The following MAST2 variants were observed in gnomAD, a reference collection of about 807,000 sequenced individuals.
MAST2 encodes microtubule associated serine/threonine kinase 2, also known as microtubule-associated serine/threonine-protein kinase 2.
In MAST2, 70 loss-of-function variants were observed where a neutral mutation model predicts 147.4. That is an observed-to-expected ratio of 0.47 (90% confidence interval 0.39 to 0.58). The LOEUF (loss-of-function observed/expected upper bound fraction) is 0.58. MAST2 is among the 20% of genes least tolerant of loss of function. The pLI, the probability that MAST2 is intolerant of heterozygous loss-of-function variation, is 0.00. For missense variants in MAST2, 2,080 were observed against 2,302.3 expected, an observed-to-expected ratio of 0.90 and a Z score of 1.98; for synonymous variants, 869 against 896.8, an observed-to-expected ratio of 0.97 and a Z score of 0.55.
At chr1:45,943,606 G>A (rs1002093060) in intron 4 of MAST2, among the ~76,000 whole-genome samples, 1 of 152,132 alleles carries the variant, frequency 6.6e-6, no homozygotes, top group South Asian at 2.1e-4. Flanking sequence ...TTAGCTGGGC[G>A]TGGTGACGCG....
chr1:45,816,879 G>T (rs181061878), intron 1 of MAST2, among the ~76,000 whole-genome samples: 1 of 151,908 alleles, frequency 6.6e-6, no homozygotes, highest in East Asian at 1.9e-4. Flanking sequence ...GGGTTTCACC[G>T]TGTCAACCAG....
At chr1:45,978,907 T>G (rs556241809) in intron 5 of MAST2, among the ~76,000 whole-genome samples, 3 of 152,324 alleles carry the variant, frequency 2.0e-5, no homozygotes, top group African/African-American at 7.2e-5. Context: ...GATTCATTTT[T>G]GGGCGATAAA....
At chr1:45,979,738 G>T (rs1364455015) in intron 5 of MAST2, among the ~76,000 whole-genome samples, 2 of 152,172 alleles carry the variant, frequency 1.3e-5, no homozygotes, top group Non-Finnish European at 1.5e-5. Flanking sequence ...AGGAGGCTGA[G>T]GTGGGAGGAT....
intron 3 of MAST2, among the ~76,000 whole-genome samples, chr1:45,837,065 C>T (rs1196979210): frequency 6.6e-6 from 1 of 152,166 alleles, no homozygotes; most frequent in Non-Finnish European, 1.5e-5. Flanking sequence ...TGACAGGAGA[C>T]GGAGTTCAGG....
intron 3 of MAST2, among the ~76,000 whole-genome samples, 160 bp from the exon 4 acceptor site, chr1:45,882,204 A>AT (rs879077522): frequency 7.6e-4 from 75 of 98,110 alleles, no homozygotes; most frequent in Admixed American, 1.1e-3. Context: ...AAAAAAAAAA[A>AT]AATAAATAAA....
At chr1:45,970,032 A>G (rs1048908766) in intron 5 of MAST2, among the ~76,000 whole-genome samples, 6 of 152,154 alleles carry the variant, frequency 3.9e-5, no homozygotes, top group South Asian at 2.1e-4. Flanking sequence ...TCTTCCCCCA[A>G]GTAGAGCTGG....
intron 5 of MAST2, among the ~76,000 whole-genome samples, chr1:45,969,314 T>C (rs143604511): frequency 5.6e-4 from 86 of 152,256 alleles, no homozygotes; most frequent in African/African-American, 1.9e-3. Flanking sequence ...TTTAGTAATG[T>C]ATTGGTAAGG....
intron 5 of MAST2, among the ~76,000 whole-genome samples, chr1:45,990,440 A>G (rs1319033658): frequency 6.6e-6 from 1 of 151,946 alleles, no homozygotes; most frequent in African/African-American, 2.4e-5. Context: ...TCTTTTATCA[A>G]GTATGTGGGT....
At chr1:46,029,597 T>C (rs1646554494) in intron 19 of MAST2, 30 bp downstream of exon 19, 1 of 1,599,202 alleles carries the variant, frequency 6.3e-7, no homozygotes, top group Non-Finnish European at 8.6e-7. Flanking sequence ...CTTTTCTCAC[T>C]ACTTGGAAAA....
chr1:45,985,830 A>G (rs1644591412), intron 5 of MAST2, among the ~76,000 whole-genome samples: 1 of 152,186 alleles, frequency 6.6e-6, no homozygotes, highest in Non-Finnish European at 1.5e-5. Flanking sequence ...CTTTTGTCAA[A>G]TTTATCACTA....
chr1:45,866,508 A>G (rs1018611700), intron 3 of MAST2, among the ~76,000 whole-genome samples: 7 of 152,212 alleles, frequency 4.6e-5, no homozygotes, highest in African/African-American at 1.4e-4. Flanking sequence ...GCTAGGATTC[A>G]GAAAGGGAAT....
At chr1:45,827,127 C>T (rs1644818853) in intron 2 of MAST2, among the ~76,000 whole-genome samples, 1 of 152,148 alleles carries the variant, frequency 6.6e-6, no homozygotes, top group South Asian at 2.1e-4. Flanking sequence ...CACGCTCTGC[C>T]CAGGTTACTT....
chr1:45,907,781 C>A (rs1382365041), intron 4 of MAST2, among the ~76,000 whole-genome samples: 1 of 152,116 alleles, frequency 6.6e-6, no homozygotes, highest in East Asian at 1.9e-4. Flanking sequence ...TATGCATTTG[C>A]CTCTTCTAAA....
At chr1:45,924,053 G>T (rs868331762) in intron 4 of MAST2, among the ~76,000 whole-genome samples, 1 of 152,004 alleles carries the variant, frequency 6.6e-6, no homozygotes, top group Admixed American at 6.6e-5. Context: ...TGTATTTTTA[G>T]TAGAGACTGG....
Position 46,023,566 on chromosome 1 carries a change from T to C in MAST2, c.1572-206T>C, listed in dbSNP as rs1056093652. ...CCATTCCCTGAGCTCTGGGGAAGCA[T>C]TGAGCCGTGTCATCAGGACATGGTC... On this transcript the variant is annotated intron_variant, in intron 14 of 28. Transcript: ENST00000361297. This position sits in a 1 kb window ranked among gnomAD's most constrained non-coding sequence, Gnocchi z 4.9. The C allele has an allele frequency of 2.2e-5, 14 of 623,654 alleles. No homozygotes were observed. The highest frequency in any genetic ancestry group is 5.8e-5 in the Admixed American group (2 of 34,492). The allele number at this position is 623,654 out of a possible 1,614,324, so 38.6% of individuals were successfully genotyped here. A position where few individuals can be genotyped will look rare whatever the true frequency, so the allele number is the denominator to read the frequency against.
At chr1:45,933,145 C>G (rs1237234716) in intron 4 of MAST2, among the ~76,000 whole-genome samples, 1 of 142,892 alleles carries the variant, frequency 7.0e-6, no homozygotes, top group Non-Finnish European at 1.5e-5. Context: ...ATCATTTAAG[C>G]CCAGGAGTTC....
Position 46,031,679 on chromosome 1 carries a change from G to A in MAST2, c.3187+94G>A. 8.1e-7 allele frequency: 1 copy of A among 1,239,316 alleles called. No homozygotes were observed. Among genetic ancestry groups the A allele is most frequent in the Non-Finnish European group, 1.1e-6 (1 of 891,824 alleles). The allele number at this position is 1,239,316 out of a possible 1,614,324, so 76.8% of individuals were successfully genotyped here. A position where few individuals can be genotyped will look rare whatever the true frequency, so the allele number is the denominator to read the frequency against. On this transcript the variant is annotated intron_variant, in intron 24 of 28. Coordinates refer to ENST00000361297, the MANE Select transcript of MAST2 (RefSeq NM_015112.3). The surrounding 1 kb of genome is among the most constrained non-coding windows in gnomAD (Gnocchi z 4.1). Reference sequence around the variant, plus strand: ...TTCTGCACGTGGCAGGTGTGTGTGTGTGTGTTAAGCACAGATCTGACTGTG... The same window carrying A: ...TTCTGCACGTGGCAGGTGTGTGTGTATGTGTTAAGCACAGATCTGACTGTG...
At chr1:45,831,031 A>AAG (rs1644941710) in intron 3 of MAST2, among the ~76,000 whole-genome samples, 1 of 55,010 alleles carries the variant, frequency 1.8e-5, no homozygotes, top group Non-Finnish European at 3.2e-5. Context: ...CCTTGTCTGG[A>AAG]AAAAAAAAAA....
At chr1:45,816,896 C>G (rs1644472311) in intron 1 of MAST2, among the ~76,000 whole-genome samples, 1 of 152,152 alleles carries the variant, frequency 6.6e-6, no homozygotes, top group African/African-American at 2.4e-5. Flanking sequence ...CCAGGATGGT[C>G]TCGATCTCCT....
Sources: allele counts gnomAD v4.1 joint callset (sites outside exome capture counted in the v4.1 genomes callset), GRCh38; gene constraint gnomAD v4.1.1; non-coding constraint Gnocchi (gnomAD v3.1); transcripts MANE v1.5; gene names NCBI Gene and HGNC (gene_info 2026-07-23, HGNC 2026-07-21).